PRMT8: variants seen among roughly 807,000 people sequenced by gnomAD.
PRMT8 encodes protein arginine N-methyltransferase 8.
PRMT8 carries 7 observed loss-of-function variants against 47.1 expected under a neutral mutation model. That is an observed-to-expected ratio of 0.15 (90% CI 0.08 to 0.28). The LOEUF is 0.28. Ranked by LOEUF, PRMT8 falls within the 10% of genes least tolerant of loss-of-function variation. The pLI is 1.00. For missense variants in PRMT8, 237 were observed against 505.4 expected (o/e 0.47, Z 5.09); for synonymous variants, 188 against 186.5 (o/e 1.01, Z -0.07).
At chr12:3,517,343 C>T (rs1376890683) in intron 1 of PRMT8, among the ~76,000 whole-genome samples, 1 of 152,160 alleles carries the variant, frequency 6.6e-6, no homozygotes, top group Non-Finnish European at 1.5e-5. Flanking sequence ...TGGAGTGAGT[C>T]TCTGGCCGAG....
intron 1 of PRMT8, among the ~76,000 whole-genome samples, chr12:3,410,524 T>C (rs752087609): frequency 2.4e-4 from 36 of 152,346 alleles, no homozygotes; most frequent in Admixed American, 7.2e-4. Context: ...TGTTTGTTTT[T>C]TTGAGACGGA....
chr12:3,582,942 A>G, intron 7 of PRMT8, 116 bp from the exon 8 acceptor site: 1 of 1,254,910 alleles, frequency 8.0e-7, no homozygotes, highest in Non-Finnish European at 1.1e-6. Flanking sequence ...CCAAGAATAA[A>G]GATATCCCTC....
At chr12:3,465,903 C>T (rs1865092824) in intron 1 of PRMT8, among the ~76,000 whole-genome samples, 1 of 152,142 alleles carries the variant, frequency 6.6e-6, no homozygotes, top group South Asian at 2.1e-4. Flanking sequence ...GCCGGGATAG[C>T]TTCTGACGCC....
intron 1 of PRMT8, among the ~76,000 whole-genome samples, chr12:3,455,904 C>T (rs1483172394): frequency 1.3e-5 from 2 of 152,156 alleles, no homozygotes; most frequent in African/African-American, 2.4e-5. Flanking sequence ...GACAGGGCCG[C>T]GTGATGCCGT....
chr12:3,452,342 C>A (rs1864928165), intron 1 of PRMT8, among the ~76,000 whole-genome samples: 1 of 152,096 alleles, frequency 6.6e-6, no homozygotes, highest in Non-Finnish European at 1.5e-5. Context: ...CACATACACA[C>A]ACACACACCC....
At position 3,493,322 on chromosome 12, in the gene PRMT8, CCTCT is replaced by C. The variant is rs1865453281; in HGVS notation, c.75+1623_75+1626del. Among the ~76,000 whole-genome samples, 1 of 152,288 alleles carries C rather than the reference CCTCT, an allele frequency of 6.6e-6. No individual in the cohort carries two copies. The highest frequency in any genetic ancestry group is 6.5e-5 in the Admixed American group (1 of 15,304). On this transcript the variant is annotated intron_variant, in intron 1 of 9. Coordinates refer to ENST00000382622, the MANE Select transcript of PRMT8 (RefSeq NM_019854.5). This position sits in a 1 kb window ranked among gnomAD's most constrained non-coding sequence, Gnocchi z 8.2. ...CCTTACCATTCCCCTCACCCTCCGC[CCTCT>C]GATCGCCCACCCGCCGAAAGGGTTT...
rs996678079 is a variant in PRMT8, at chr12:3,557,975, C to T, written c.481+4261C>T. 2.6e-5 allele frequency among the ~76,000 whole-genome samples: 4 copies of T among 152,112 alleles called. No homozygotes were observed. Among genetic ancestry groups the T allele is most frequent in the African/African-American group, 4.8e-5 (2 of 41,406 alleles). On this transcript the variant is annotated intron_variant, in intron 4 of 9. Transcript: ENST00000382622. This position sits in a 1 kb window ranked among gnomAD's most constrained non-coding sequence, Gnocchi z 4.7. ...GTAATTCCTGACCTCTGACCCAGCC[C>T]CTGACTCTTCGTCTCCCTCTCAGTG...
At chr12:3,434,374 C>T (rs1017862680) in intron 1 of PRMT8, among the ~76,000 whole-genome samples, 9 of 152,160 alleles carry the variant, frequency 5.9e-5, no homozygotes, top group Admixed American at 2.0e-4. Flanking sequence ...TATCCACATG[C>T]ACAAAACTAA....
chr12:3,540,734 G>A lies in PRMT8; in HGVS notation c.204G>A (p.Glu68=). The A allele has an allele frequency of 1.2e-6, 2 of 1,613,832 alleles. No homozygotes were observed. The highest frequency in any genetic ancestry group is 2.2e-5 in the East Asian group (1 of 44,866). ...AGATGTCCAAGCTGCTGAACCCAGAGGAGATGACCTCGAGAGATTATTACT... is the reference window on the plus strand; with the variant it reads ...AGATGTCCAAGCTGCTGAACCCAGAAGAGATGACCTCGAGAGATTATTACT... The part of the protein sequence containing the change: ...RGKMSKLLNP[E]EMTSRDYYFD... The change falls in exon 2 of 10, where the codon GAG becomes GAA. Residue 68 remains glutamate (E), a synonymous_variant. Coordinates refer to ENST00000382622, the MANE Select transcript of PRMT8 (RefSeq NM_019854.5).
intron 1 of PRMT8, among the ~76,000 whole-genome samples, chr12:3,475,044 C>T (rs1453058629): frequency 2.0e-5 from 3 of 152,196 alleles, no homozygotes; most frequent in Admixed American, 6.5e-5. Flanking sequence ...AGGCTCCTAG[C>T]AGCATGGTGA....
intron 8 of PRMT8, among the ~76,000 whole-genome samples, chr12:3,587,374 G>C (rs1036792075): frequency 6.6e-6 from 1 of 151,052 alleles, no homozygotes; most frequent in Non-Finnish European, 1.5e-5. Context: ...AAATACATTA[G>C]TTAATATTAA....
intron 4 of PRMT8, among the ~76,000 whole-genome samples, chr12:3,563,907 T>C (rs1866676156): frequency 6.6e-6 from 1 of 151,366 alleles, no homozygotes; most frequent in Non-Finnish European, 1.5e-5. Flanking sequence ...AGTTTGAATA[T>C]CTTTTGTCTC....
At chr12:3,427,930 A>G (rs1352102058) in intron 1 of PRMT8, among the ~76,000 whole-genome samples, 2 of 152,216 alleles carry the variant, frequency 1.3e-5, no homozygotes, top group African/African-American at 2.4e-5. Flanking sequence ...AGAAGTTACT[A>G]TAATACATGT....
In PRMT8 at chr12:3,516,003, T is replaced by G. The variant is rs538226449; in HGVS notation, c.75+24303T>G. 2.6e-5 allele frequency among the ~76,000 whole-genome samples: 4 copies of G among 152,316 alleles called. No homozygotes were observed. The South Asian group carries it at 8.3e-4, about 32-fold the overall frequency. ...GTAGCTCCAGCTTATAGTTTGGCCT[T>G]GTGTATAAAGTATCCGCCAATAGTT... On this transcript the variant is annotated intron_variant, in intron 1 of 9. Coordinates refer to ENST00000382622, the MANE Select transcript of PRMT8 (RefSeq NM_019854.5).
At chr12:3,427,055 T>TATAA (rs1477692163) in intron 1 of PRMT8, among the ~76,000 whole-genome samples, 1 of 152,236 alleles carries the variant, frequency 6.6e-6, no homozygotes, top group African/African-American at 2.4e-5. Flanking sequence ...AGCAGTGGAC[T>TATAA]TTATAGTCCT....
intron 1 of PRMT8, among the ~76,000 whole-genome samples, chr12:3,411,234 C>A (rs1176537282): frequency 6.6e-6 from 1 of 152,204 alleles, no homozygotes; most frequent in Non-Finnish European, 1.5e-5. Flanking sequence ...CTTCTCAGCT[C>A]CTGATCCTCA....
intron 8 of PRMT8, among the ~76,000 whole-genome samples, chr12:3,586,335 G>A (rs908424722): frequency 6.6e-6 from 1 of 152,144 alleles, no homozygotes; most frequent in Non-Finnish European, 1.5e-5. Flanking sequence ...TAACCCAGTG[G>A]CTTTCCTTCC....
At chr12:3,411,609 G>A (rs1408432714) in intron 1 of PRMT8, among the ~76,000 whole-genome samples, 1 of 152,266 alleles carries the variant, frequency 6.6e-6, no homozygotes, top group East Asian at 1.9e-4. Flanking sequence ...TTCATGTTTC[G>A]GAAACTTGAT....
At chr12:3,585,242 G>A (rs1295534567) in intron 8 of PRMT8, among the ~76,000 whole-genome samples, 3 of 151,978 alleles carry the variant, frequency 2.0e-5, no homozygotes, top group Non-Finnish European at 4.4e-5. Context: ...CAGGGGGTGA[G>A]GAGGTGAGTA....
Sources: gnomAD v4.1 joint callset for allele counts (sites outside exome capture counted in the v4.1 genomes callset) on GRCh38, gnomAD v4.1.1 for gene constraint, Gnocchi (gnomAD v3.1) non-coding constraint, MANE v1.5 for transcripts, NCBI Gene and HGNC (gene_info 2026-07-23, HGNC 2026-07-21) for gene names.